SCARA3: variants seen among roughly 807,000 people sequenced by gnomAD.
SCARA3 encodes cellular stress response gene protein.
A neutral mutation model predicts 47.0 loss-of-function variants in SCARA3; 39 were observed. The ratio of observed to expected loss-of-function variants is 0.83; its 90% CI spans 0.64 to 1.08. The LOEUF (loss-of-function observed/expected upper bound fraction) is 1.08. SCARA3 is among the 50% of genes least tolerant of loss of function. The pLI is 0.00. For synonymous variants in SCARA3, 356 were observed against 334.1 expected (o/e 1.07, Z -0.71); for missense variants, 724 against 792.3 (o/e 0.91, Z 1.04).
At chr8:27,699,952 C>A in the SCARA3 span, among the ~76,000 whole-genome samples, 36 of 152,266 alleles carry the variant, frequency 2.4e-4, no homozygotes, top group African/African-American at 7.0e-4. Context: ...ATTTCAAAGT[C>A]TTTTCAACAA....
chr8:27,682,156 G>A, the SCARA3 span, among the ~76,000 whole-genome samples: 2 of 152,084 alleles, frequency 1.3e-5, no homozygotes, highest in Non-Finnish European at 2.9e-5. Flanking sequence ...TTTTTACAAA[G>A]GCACCAGAAG....
chr8:27,715,880 A>G, the SCARA3 span, among the ~76,000 whole-genome samples: 2 of 152,112 alleles, frequency 1.3e-5, no homozygotes, highest in African/African-American at 2.4e-5. The surrounding 1 kb of genome is among the most constrained non-coding windows in gnomAD (Gnocchi z 4.2). Context: ...ATAGATAGAT[A>G]GAAAGAAACA....
Position 27,634,183 on chromosome 8 carries a change from GC to G in SCARA3, c.-14del. The G allele has an allele frequency of 7.0e-7, 1 of 1,429,304 alleles. No homozygotes were observed. The allele number at this position is 1,429,304 out of a possible 1,614,324, so 88.5% of individuals were successfully genotyped here. ...CCGCCTGCAGCGGGGCCCTCCTGAG[GC>G]CCCAGAGGAAGAGACCATGAAAGGT... On this transcript the variant is annotated 5_prime_UTR_variant, in exon 1 of 6. Transcript: ENST00000301904.
At chr8:27,648,318 A>G (rs1801551582) in intron 1 of SCARA3, among the ~76,000 whole-genome samples, 1 of 152,262 alleles carries the variant, frequency 6.6e-6, no homozygotes, top group Non-Finnish European at 1.5e-5. Context: ...ATTAAAAACA[A>G]AAAGGAGGCA....
At chr8:27,666,543 G>A (rs894023) in intron 5 of SCARA3, among the ~76,000 whole-genome samples, 15,759 of 152,242 alleles carry the variant, frequency 0.1, 926 homozygotes, top group East Asian at 0.26. Flanking sequence ...ATATTCTCAT[G>A]GAGCAGAGGG....
At chr8:27,654,789 C>CAAA (rs539914704) in intron 3 of SCARA3, among the ~76,000 whole-genome samples, 1 of 86,118 alleles carries the variant, frequency 1.2e-5, no homozygotes, top group African/African-American at 4.6e-5. Flanking sequence ...GACTGTCTCA[C>CAAA]AAAAAAAAAA....
chr8:27,714,248 T>A, the SCARA3 span, among the ~76,000 whole-genome samples: 2 of 141,348 alleles, frequency 1.4e-5, no homozygotes, highest in South Asian at 4.6e-4. Flanking sequence ...TAGGCTGGGG[T>A]GCAGTGGCGC....
chr8:27,695,758 T>C, the SCARA3 span, among the ~76,000 whole-genome samples: 2 of 152,160 alleles, frequency 1.3e-5, no homozygotes, highest in East Asian at 3.9e-4. Context: ...GTTTATTGAA[T>C]GAATTTAATG....
intron 5 of SCARA3, among the ~76,000 whole-genome samples, chr8:27,669,318 G>A (rs543664387): frequency 9.2e-5 from 14 of 152,368 alleles, no homozygotes; most frequent in Admixed American, 5.9e-4. Flanking sequence ...GGGCGTCTCC[G>A]CCTCTGTATG....
intron 1 of SCARA3, among the ~76,000 whole-genome samples, chr8:27,648,818 AAGAGAGAAAGGAGGGAGGGAGGG>A (rs1801567341): frequency 1.3e-5 from 2 of 150,702 alleles, no homozygotes; most frequent in Non-Finnish European, 3.0e-5. Flanking sequence ...AGGAGAGAGA[AAGAGAGAAAGGAGGGAGGGAGGG>A]AGAGAGAAGG....
Position 27,649,921 on chromosome 8 carries a change from C to T in SCARA3, c.106+121C>T, listed in dbSNP as rs112500677. 51 of 785,322 alleles carry T rather than the reference C, an allele frequency of 6.5e-5. No individual in the cohort carries two copies. In the African/African-American group the frequency reaches 8.1e-4, roughly 13 times the overall value. 48.6% of individuals were successfully genotyped at this position (785,322 alleles called of 1,614,324 possible). A position where few individuals can be genotyped will look rare whatever the true frequency, so the allele number is the denominator to read the frequency against. On this transcript the variant is annotated intron_variant, in intron 2 of 5. Transcript: ENST00000301904. ...TTCAAAAGCCTGGGTGTCCTTTCCC[C>T]ACTGCTTCCTGGATGGTGAAAGGGC...
At chr8:27,655,514 G>A (rs517293) in intron 3 of SCARA3, among the ~76,000 whole-genome samples, 28,483 of 152,032 alleles carry the variant, frequency 0.19, 3,262 homozygotes, top group Middle Eastern at 0.33. Flanking sequence ...GGCTGCCCGT[G>A]GGGTATAAAG....
the SCARA3 span, among the ~76,000 whole-genome samples, chr8:27,685,522 T>C: frequency 6.6e-6 from 1 of 152,242 alleles, no homozygotes; most frequent in Non-Finnish European, 1.5e-5. Context: ...AGAAAGGGCA[T>C]TTAGTAAATT....
the SCARA3 span, among the ~76,000 whole-genome samples, chr8:27,728,700 AT>A: frequency 6.6e-6 from 1 of 152,218 alleles, no homozygotes; most frequent in Non-Finnish European, 1.5e-5. Context: ...AGAACTTTTC[AT>A]ATGTAAAGGG....
At chr8:27,714,956 G>T in the SCARA3 span, among the ~76,000 whole-genome samples, 1 of 151,752 alleles carries the variant, frequency 6.6e-6, no homozygotes, top group Non-Finnish European at 1.5e-5. Context: ...ATCTTGCTCT[G>T]TTGCCCAGTC....
downstream of SCARA3, among the ~76,000 whole-genome samples, chr8:27,675,891 C>G (rs190799666): frequency 2.1e-3 from 165 of 78,556 alleles, 1 homozygote; most frequent in African/African-American, 7.5e-3. Flanking sequence ...TGGGGCGGGA[C>G]GGGGTGTGGG....
At chr8:27,649,903 G>A in intron 2 of SCARA3, 103 bp downstream of exon 2, 1 of 1,005,282 alleles carries the variant, frequency 9.9e-7, no homozygotes, top group Non-Finnish European at 1.5e-6. Flanking sequence ...GGTTTCAAAA[G>A]CCTGGGTGTC....
intron 1 of SCARA3, among the ~76,000 whole-genome samples, chr8:27,645,482 G>A (rs35838351): frequency 3.3e-5 from 5 of 152,358 alleles, no homozygotes; most frequent in East Asian, 1.9e-4. Flanking sequence ...GTTCTGAGGC[G>A]TTTCTGAGAT....
the SCARA3 span, among the ~76,000 whole-genome samples, chr8:27,704,838 T>C: frequency 6.6e-6 from 1 of 152,210 alleles, no homozygotes; most frequent in Non-Finnish European, 1.5e-5. Context: ...ATGAGTGTTC[T>C]ACGTGTCCTC....
Sources: gnomAD v4.1 joint callset for allele counts (sites outside exome capture counted in the v4.1 genomes callset) on GRCh38, gnomAD v4.1.1 for gene constraint, Gnocchi (gnomAD v3.1) non-coding constraint, MANE v1.5 for transcripts, NCBI Gene and HGNC (gene_info 2026-07-23, HGNC 2026-07-21) for gene names.